PF4V1: variants seen among roughly 807,000 people sequenced by gnomAD.
PF4V1 encodes platelet factor 4 variant.
In PF4V1, 4 loss-of-function variants were observed where a neutral mutation model predicts 6.9. The ratio of observed to expected loss-of-function variants is 0.58; its 90% CI spans 0.29 to 1.34. The LOEUF (loss-of-function observed/expected upper bound fraction) is 1.34, where lower values mean the gene tolerates loss of function less well. PF4V1 is among the 40% of genes most tolerant of loss of function. PF4V1 has a pLI of 0.09. For missense variants in PF4V1, 127 were observed against 128.6 expected (o/e 0.99, Z 0.06); for synonymous variants, 68 against 55.9 (o/e 1.22, Z -0.97).
At chr4:73,853,726 C>T in intron 1 of PF4V1, 57 bp from the exon 2 acceptor site, 1 of 1,551,194 alleles carries the variant, frequency 6.4e-7, no homozygotes, top group Non-Finnish European at 8.7e-7. Flanking sequence ...TCTGGCTACT[C>T]AGGGAGTCAC....
chr4:73,854,099 A>C lies in PF4V1; in HGVS notation c.292A>C (p.Ile98Leu), dbSNP rs771488055. 2 of 1,613,978 alleles carry C rather than the reference A, an allele frequency of 1.2e-6. No individual in the cohort carries two copies. The highest frequency in any genetic ancestry group is 1.7e-5 in the Admixed American group (1 of 60,018). ...DLQALLYKKI[I>L]KEHLES ...GCAAGCCCTGCTGTACAAGAAAATC[A>C]TTAAGGAACATTTGGAGAGTTAGCT... The change falls in exon 3 of 3, where the codon ATT becomes CTT. Residue 98 changes from isoleucine to leucine, a missense_variant. Coordinates refer to ENST00000226524, the MANE Select transcript of PF4V1 (RefSeq NM_002620.4).
chr4:73,854,226 G>A lies in PF4V1; in HGVS notation c.*104G>A. 1 of 765,296 alleles carries A rather than the reference G, an allele frequency of 1.3e-6. No individual in the cohort carries two copies. Among genetic ancestry groups the A allele is most frequent in the Non-Finnish European group, 2.1e-6 (1 of 480,798 alleles). 47.4% of individuals were successfully genotyped at this position (765,296 alleles called of 1,614,324 possible). On this transcript the variant is annotated 3_prime_UTR_variant, in exon 3 of 3. Transcript: ENST00000226524. ...TATTAACGAAATAAATCAAGTTGTG[G>A]TATAGTCAATCTATTTCTTAATAAT...
chr4:73,853,758 C>A (rs372576630), intron 1 of PF4V1, 25 bp from the exon 2 acceptor site: 385 of 1,593,058 alleles, frequency 2.4e-4, no homozygotes, highest in Non-Finnish European at 3.2e-4. Context: ...CTCCTCCTCT[C>A]TTACTCCCTC....
chr4:73,854,009 C>G, intron 2 of PF4V1, 26 bp from the exon 3 acceptor site: 6 of 1,613,396 alleles, frequency 3.7e-6, no homozygotes, highest in South Asian at 1.1e-5. Flanking sequence ...GACTGAAAGT[C>G]ACGTCTCTTC....
At chr4:73,853,939 T>A (rs528510694) in intron 2 of PF4V1, 30 bp downstream of exon 2, 1 of 1,601,492 alleles carries the variant, frequency 6.2e-7, no homozygotes, top group Admixed American at 1.7e-5. Context: ...CAGTTAGTGC[T>A]CCCGCTCCGT....
chr4:73,853,602 A>G, intron 1 of PF4V1, 140 bp downstream of exon 1: 1 of 1,265,842 alleles, frequency 7.9e-7, no homozygotes, highest in Non-Finnish European at 1.1e-6. Flanking sequence ...GTACAGTGCC[A>G]GGCACTGCAC....
rs1731498115 is a variant in PF4V1, at chr4:73,854,385, T to A, written c.*263T>A. 6.6e-6 allele frequency among the ~76,000 whole-genome samples: 1 copy of A among 152,240 alleles called. No homozygotes were observed. The highest frequency in any genetic ancestry group is 2.4e-5 in the African/African-American group (1 of 41,460). On this transcript the variant is annotated 3_prime_UTR_variant, in exon 3 of 3. Transcript: ENST00000226524. ...TCAGTGTTATATGTTAGCTGATACA[T>A]ATTTGTTCATTTATGTGATTGCAGT...
rs147144357 is a variant in PF4V1 at position 73,853,880 on chromosome 4, C to T, written c.198C>T (p.Ala66=). 6 of 1,611,976 alleles carry T rather than the reference C, an allele frequency of 3.7e-6. No individual in the cohort carries two copies. In the African/African-American group the frequency reaches 5.4e-5, roughly 15 times the overall value. The change falls in exon 2 of 3, where the codon GCC becomes GCT. Residue 66 remains alanine, a synonymous_variant. Coordinates refer to ENST00000226524, the MANE Select transcript of PF4V1 (RefSeq NM_002620.4). ...TCACCAGCCTGGAGGTGATCAAGGC[C>T]GGACCCCACTGCCCCACTGCCCAAC... is the stretch of plus-strand genomic sequence containing the variant. ...RHITSLEVIK[A]GPHCPTAQLI...
chr4:73,853,510 T>G (rs1578142930), intron 1 of PF4V1, 48 bp downstream of exon 1: 1 of 1,550,502 alleles, frequency 6.4e-7, no homozygotes, highest in South Asian at 1.2e-5. Flanking sequence ...CGAGGGGGAG[T>G]CCGGGAAGCC....
chr4:73,853,796 A>C lies in PF4V1; in HGVS notation c.114A>C (p.Glu38Asp). ...VVAFARAEAE[E>D]DGDLQCLCVK... ...TTTCCCCCTCAGCTGAAGCTGAAGA[A>C]GATGGGGACCTGCAGTGCCTGTGTG... The change falls in exon 2 of 3, where the codon GAA (glutamate) becomes GAC (aspartate). Residue 38 changes from glutamate (E) to aspartate (D), a missense_variant. Transcript: ENST00000226524. The C allele has an allele frequency of 6.2e-7, 1 of 1,611,902 alleles. No individual in the cohort carries two copies. Among genetic ancestry groups the C allele is most frequent in the Non-Finnish European group, 8.5e-7 (1 of 1,178,902 alleles).
chr4:73,853,682 A>G (rs920274092), intron 1 of PF4V1, 101 bp from the exon 2 acceptor site: 15 of 1,449,780 alleles, frequency 1.0e-5, no homozygotes, highest in Middle Eastern at 1.9e-4. Flanking sequence ...AGGAAAAGAA[A>G]GCTGAAGGTA....
rs1731489327 is a variant in PF4V1 at position 73,854,051 on chromosome 4, G to A, written c.244G>A (p.Gly82Arg). Residue 82 changes from glycine (G) to arginine (R), a missense_variant, in exon 3 of 3, where the codon GGG becomes AGG. Physicochemically the swap from Gly to Arg is moderately radical, Grantham distance 125 (BLOSUM62 -2). Coordinates refer to ENST00000226524, the MANE Select transcript of PF4V1 (RefSeq NM_002620.4). Reference protein sequence around the residue: ...TAQLIATLKNGRKICLDLQAL... With the variant: ...TAQLIATLKNRRKICLDLQAL... ...CCCTGCCAGAGCCACGCTGAAGAAT[G>A]GGAGGAAAATTTGCTTGGATCTGCA... is the stretch of plus-strand genomic sequence containing the variant. The A allele has an allele frequency of 6.2e-7, 1 of 1,614,036 alleles. No individual in the cohort carries two copies. Among genetic ancestry groups the A allele is most frequent in the Non-Finnish European group, 8.5e-7 (1 of 1,180,022 alleles).
In PF4V1 at chr4:73,853,352, T is replaced by G; in HGVS notation, c.-11T>G. 1 of 1,611,972 alleles carries G rather than the reference T, an allele frequency of 6.2e-7. No individual in the cohort carries two copies. Among genetic ancestry groups the G allele is most frequent in the Non-Finnish European group, 8.5e-7 (1 of 1,178,116 alleles). On this transcript the variant is annotated 5_prime_UTR_variant, in exon 1 of 3. Coordinates refer to ENST00000226524, the MANE Select transcript of PF4V1 (RefSeq NM_002620.4). ...TGCGCACTGGGATCCTGCTGGAACCTCAGCTGCAACATGAGCTCCGCAGCC... is the reference window on the plus strand; with the variant it reads ...TGCGCACTGGGATCCTGCTGGAACCGCAGCTGCAACATGAGCTCCGCAGCC...
rs745714654 is a variant in PF4V1 at position 73,854,071 on chromosome 4, T to C, written c.264T>C (p.Asp88=). 61 of 1,614,066 alleles carry C rather than the reference T, an allele frequency of 3.8e-5. No individual in the cohort carries two copies. Among genetic ancestry groups the C allele is most frequent in the Non-Finnish European group, 4.9e-5 (58 of 1,180,020 alleles). ...TLKNGRKICL[D]LQALLYKKII... is the part of the protein sequence containing the mutation. ...AGAATGGGAGGAAAATTTGCTTGGA[T>C]CTGCAAGCCCTGCTGTACAAGAAAA... Residue 88 remains aspartate, a synonymous_variant, in exon 3 of 3, where the codon GAT becomes GAC. Transcript: ENST00000226524.
chr4:73,853,488 G>T, intron 1 of PF4V1, 26 bp downstream of exon 1: 1 of 1,576,086 alleles, frequency 6.3e-7, no homozygotes, highest in African/African-American at 1.3e-5. Context: ...AGGCTGGGAG[G>T]GCCAGCAGCG....
chr4:73,854,104 G>A lies in PF4V1; in HGVS notation c.297G>A (p.Lys99=). ...CCCTGCTGTACAAGAAAATCATTAA[G>A]GAACATTTGGAGAGTTAGCTACTAG... is the stretch of plus-strand genomic sequence containing the variant. ...LQALLYKKII[K]EHLES The change falls in exon 3 of 3, where the codon AAG becomes AAA. Residue 99 remains lysine, a synonymous_variant. Transcript: ENST00000226524. The A allele has an allele frequency of 6.2e-7, 1 of 1,613,788 alleles. No individual in the cohort carries two copies. The highest frequency in any genetic ancestry group is 8.5e-7 in the Non-Finnish European group (1 of 1,179,674).
In PF4V1 at chr4:73,853,457, C is replaced by T. The variant is rs771032499; in HGVS notation, c.95C>T (p.Ala32Val). ...CTCCTGCCAGTTGTGGTCGCCTTCG[C>T]CAGAGGTGAGAGCAGAAACCAGGCT... ...LLLLPVVVAF[A>V]RAEAEEDGDL... Residue 32 changes from alanine (A) to valine (V), a missense_variant, in exon 1 of 3, where the codon GCC (alanine) becomes GTC (valine). Transcript: ENST00000226524. The T allele has an allele frequency of 1.2e-6, 2 of 1,612,082 alleles. No homozygotes were observed. Among genetic ancestry groups the T allele is most frequent in the East Asian group, 2.2e-5 (1 of 44,816 alleles).
In PF4V1 at chr4:73,854,467, G is replaced by A. The variant is rs1420465635; in HGVS notation, c.*345G>A. ...ACAATTAGCTTGCCAATAAATATTA[G>A]TAGCTCTTAAGCATTACTCGACAGC... On this transcript the variant is annotated 3_prime_UTR_variant, in exon 3 of 3. Transcript: ENST00000226524. 1.4e-5 allele frequency among the ~76,000 whole-genome samples: 2 copies of A among 147,378 alleles called. No individual in the cohort carries two copies. Among genetic ancestry groups the A allele is most frequent in the Non-Finnish European group, 3.0e-5 (2 of 67,392 alleles).
chr4:73,853,942 C>T (rs1731486443), intron 2 of PF4V1, 33 bp downstream of exon 2: 1 of 1,601,580 alleles, frequency 6.2e-7, no homozygotes, highest in Non-Finnish European at 8.5e-7. Flanking sequence ...TTAGTGCTCC[C>T]GCTCCGTGCC....
Sources: gnomAD v4.1 joint callset for allele counts (sites outside exome capture counted in the v4.1 genomes callset) on GRCh38, gnomAD v4.1.1 for gene constraint, MANE v1.5 for transcripts, NCBI Gene and HGNC (gene_info 2026-07-23, HGNC 2026-07-21) for gene names.